The following MYO16 variants were observed in gnomAD, a reference collection of about 807,000 sequenced individuals.
MYO16 encodes myosin XVI.
MYO16 carries 94 observed loss-of-function variants against 205.3 expected under a neutral mutation model. That is an observed-to-expected ratio of 0.46 (90% CI 0.39 to 0.54). The LOEUF (loss-of-function observed/expected upper bound fraction) is 0.54, where lower values mean the gene tolerates loss of function less well. MYO16 is among the 20% of genes least tolerant of loss of function. MYO16 has a pLI of 0.00. For synonymous variants in MYO16, 988 were observed against 954.0 expected (o/e 1.04, Z -0.66); for missense variants, 2,315 against 2,387.5 (o/e 0.97, Z 0.63).
At chr13:108,997,288 T>C (rs754556247) in intron 21 of MYO16, among the ~76,000 whole-genome samples, 54 of 133,170 alleles carry the variant, frequency 4.1e-4, no homozygotes, top group Non-Finnish European at 7.4e-4. Flanking sequence ...AACAAGACCA[T>C]GCAGAAAGAA....
intron 1 of MYO16, among the ~76,000 whole-genome samples, chr13:108,660,212 T>C (rs1881441890): frequency 3.9e-5 from 6 of 152,132 alleles, no homozygotes; most frequent in Admixed American, 3.3e-4. Context: ...TCAGGGGACA[T>C]TTGCCTTGTT....
chr13:108,827,315 A>C (rs902249290), intron 9 of MYO16, among the ~76,000 whole-genome samples: 5 of 152,042 alleles, frequency 3.3e-5, no homozygotes, highest in African/African-American at 1.2e-4. Context: ...TTTTTCTGCT[A>C]TCTCAGGATA....
At chr13:108,938,067 A>ATGT (rs1204668484) in intron 16 of MYO16, among the ~76,000 whole-genome samples, 1 of 151,622 alleles carries the variant, frequency 6.6e-6, no homozygotes. Context: ...TTTCCCTATA[A>ATGT]TGTTGTTGTT....
chr13:108,677,660 C>G (rs1257774817), intron 2 of MYO16, among the ~76,000 whole-genome samples: 1 of 151,950 alleles, frequency 6.6e-6, no homozygotes, highest in African/African-American at 2.4e-5. Flanking sequence ...TCCTCTGTGT[C>G]AATTTCTCGC....
At chr13:109,013,108 T>TCCCCCCC (rs1177754621) in intron 22 of MYO16, among the ~76,000 whole-genome samples, 9 of 32,620 alleles carry the variant, frequency 2.8e-4, no homozygotes, top group African/African-American at 7.5e-4. Context: ...ATGCTACCCC[T>TCCCCCCC]CCCCCACCCC....
At chr13:108,745,994 T>C (rs1226834795) in intron 4 of MYO16, among the ~76,000 whole-genome samples, 3 of 151,830 alleles carry the variant, frequency 2.0e-5, no homozygotes, top group Non-Finnish European at 4.4e-5. Context: ...GAGACCATCC[T>C]GGCTAACACA....
chr13:109,152,708 CT>C (rs1334937943), intron 32 of MYO16, among the ~76,000 whole-genome samples: 2 of 152,118 alleles, frequency 1.3e-5, no homozygotes, highest in Non-Finnish European at 2.9e-5. Flanking sequence ...ACAAACGTTC[CT>C]TTTATCAGGT....
chr13:108,560,811 A>C, the MYO16 span, among the ~76,000 whole-genome samples: 1 of 152,206 alleles, frequency 6.6e-6, no homozygotes, highest in Non-Finnish European at 1.5e-5. Flanking sequence ...AGTAGTTCAA[A>C]TCAGATAAAA....
chr13:109,012,682 C>T (rs1885642152), intron 22 of MYO16, among the ~76,000 whole-genome samples: 1 of 151,662 alleles, frequency 6.6e-6, no homozygotes, highest in African/African-American at 2.4e-5. Context: ...GAAGGTATTC[C>T]ATATGTGGGG....
chr13:108,816,046 A>C (rs2139004802), intron 7 of MYO16, among the ~76,000 whole-genome samples: 1 of 152,348 alleles, frequency 6.6e-6, no homozygotes, highest in South Asian at 2.1e-4. Flanking sequence ...CAATTCAATA[A>C]GAAAAAATGG....
At chr13:108,669,047 G>A (rs1318160898) in intron 2 of MYO16, among the ~76,000 whole-genome samples, 1 of 152,032 alleles carries the variant, frequency 6.6e-6, no homozygotes, top group African/African-American at 2.4e-5. Flanking sequence ...GAAAACTCAT[G>A]AGCATATAGA....
chr13:109,072,326 C>G (rs1453913592), intron 27 of MYO16, among the ~76,000 whole-genome samples: 1 of 152,114 alleles, frequency 6.6e-6, no homozygotes, highest in East Asian at 1.9e-4. Context: ...TAAAGATTTG[C>G]TCTTCCCACT....
At position 108,869,885 on chromosome 13, in the gene MYO16, TTTTC is replaced by T. The variant is rs967563435; in HGVS notation, c.1425+3655_1425+3658del. Reference sequence around the variant, plus strand: ...ATCTTATTGCCTGAAACAATAATAATTTTCTTTCTTTCTTTAAAATCCTATTATT... The same window carrying T: ...ATCTTATTGCCTGAAACAATAATAATTTTCTTTCTTTAAAATCCTATTATT... On this transcript the variant is annotated intron_variant, in intron 12 of 34. Transcript: ENST00000457511. 1.8e-4 allele frequency among the ~76,000 whole-genome samples: 27 copies of T among 151,572 alleles called. 1 individual carries two copies. In the South Asian group the frequency reaches 5.2e-3, roughly 29 times the overall value.
the MYO16 span, among the ~76,000 whole-genome samples, chr13:108,549,475 A>G: frequency 1.8e-4 from 28 of 152,190 alleles, no homozygotes; most frequent in Non-Finnish European, 3.1e-4. Flanking sequence ...ACTGTAAAAT[A>G]ATAAATCTGT....
chr13:108,615,585 T>A (rs958294368), intron 1 of MYO16, among the ~76,000 whole-genome samples: 1 of 152,064 alleles, frequency 6.6e-6, no homozygotes, highest in African/African-American at 2.4e-5. Flanking sequence ...AAACAAAATG[T>A]GGTATACCCA....
chr13:109,030,108 T>C (rs1289234369), intron 23 of MYO16, among the ~76,000 whole-genome samples: 2 of 151,550 alleles, frequency 1.3e-5, no homozygotes, highest in Admixed American at 6.6e-5. Context: ...TTACTATAGG[T>C]TCCTAATAAC....
chr13:109,013,033 TATA>T (rs971691853), intron 22 of MYO16, among the ~76,000 whole-genome samples: 65 of 151,578 alleles, frequency 4.3e-4, no homozygotes, highest in African/African-American at 1.5e-3. Context: ...GTTACATATG[TATA>T]CATGTGCCGT....
At chr13:108,975,557 A>C (rs181797775) in intron 20 of MYO16, among the ~76,000 whole-genome samples, 1 of 152,242 alleles carries the variant, frequency 6.6e-6, no homozygotes, top group Admixed American at 6.5e-5. Flanking sequence ...GGAGCATCTC[A>C]GGTATGATGA....
intron 34 of MYO16, among the ~76,000 whole-genome samples, chr13:109,193,882 A>T (rs920603027): frequency 2.0e-4 from 30 of 152,176 alleles, no homozygotes; most frequent in African/African-American, 7.2e-4. Flanking sequence ...CATGTAAGCA[A>T]AATATGAATA....
Sources: gnomAD v4.1 joint callset for allele counts (sites outside exome capture counted in the v4.1 genomes callset) on GRCh38, gnomAD v4.1.1 for gene constraint, MANE v1.5 for transcripts, NCBI Gene and HGNC (gene_info 2026-07-23, HGNC 2026-07-21) for gene names.